Variants in TBC1D1 observed in about 807,000 individuals in gnomAD.
TBC1D1 encodes the protein TBC1 domain family member 1.
In TBC1D1, 89 loss-of-function variants were observed where a neutral mutation model predicts 125.6. The observed-to-expected ratio is 0.71, with a 90% CI of 0.60 to 0.85. The LOEUF is 0.85. Among genes scored for constraint, TBC1D1 ranks in the 40% least tolerant of loss-of-function variants. TBC1D1 has a pLI of 0.00. For missense variants in TBC1D1, 1,377 were observed against 1,469.2 expected (o/e 0.94, Z 1.03); for synonymous variants, 565 against 564.1 (o/e 1.00, Z -0.02).
chr4:38,128,793 C>T (rs1765085172), intron 18 of TBC1D1, among the ~76,000 whole-genome samples: 2 of 152,104 alleles, frequency 1.3e-5, no homozygotes, highest in South Asian at 4.2e-4. Context: ...AAGGACCTGT[C>T]CATTGAATAA....
chr4:38,012,415 C>T (rs1435514708), intron 2 of TBC1D1, among the ~76,000 whole-genome samples: 19 of 152,154 alleles, frequency 1.2e-4, no homozygotes, highest in Admixed American at 1.2e-3. Flanking sequence ...GTGGGGACTG[C>T]AGGCGCACAC....
intron 11 of TBC1D1, 75 bp from the exon 12 acceptor site, chr4:38,051,817 TCCTTCCA>T: frequency 7.3e-7 from 1 of 1,375,204 alleles, no homozygotes; most frequent in Non-Finnish European, 9.9e-7. Flanking sequence ...AGCGGTGTGC[TCCTTCCA>T]CCTGTTTGCT....
At chr4:38,072,001 G>A (rs146483061) in intron 12 of TBC1D1, among the ~76,000 whole-genome samples, 6 of 152,282 alleles carry the variant, frequency 3.9e-5, no homozygotes, top group African/African-American at 7.2e-5. Flanking sequence ...GGGGTTGGGC[G>A]GGTCTGGGCT....
At chr4:37,935,669 G>A (rs575372104) in intron 2 of TBC1D1, among the ~76,000 whole-genome samples, 21 of 152,218 alleles carry the variant, frequency 1.4e-4, no homozygotes, top group African/African-American at 4.6e-4. Flanking sequence ...CTAATTTGCA[G>A]ATCTGACAGT....
intron 7 of TBC1D1, among the ~76,000 whole-genome samples, chr4:38,031,302 G>A (rs1746082675): frequency 6.6e-6 from 1 of 152,178 alleles, no homozygotes; most frequent in African/African-American, 2.4e-5. Flanking sequence ...AGTAGACATT[G>A]ATAATTCATT....
At position 38,014,821 on chromosome 4, in the gene TBC1D1, C is replaced by T. The variant is rs769870040; in HGVS notation, c.730C>T (p.Leu244=). 1 of 1,611,548 alleles carries T rather than the reference C, an allele frequency of 6.2e-7. No individual in the cohort carries two copies. Among genetic ancestry groups the T allele is most frequent in the Admixed American group, 1.7e-5 (1 of 59,960 alleles). ...CTTCTCCCAGCCCGGCCTGCGCTCG[C>T]TGGCCTTTAGGAAGGAGCTGCAGGA... The change falls in exon 3 of 20, where the codon CTG becomes TTG. Residue 244 remains leucine, a synonymous_variant. Transcript: ENST00000261439. The surrounding 1 kb of genome is among the most constrained non-coding windows in gnomAD (Gnocchi z 5.1).
intron 8 of TBC1D1, among the ~76,000 whole-genome samples, chr4:38,044,048 T>G (rs111289044): frequency 0.025 from 3,751 of 152,358 alleles, 69 homozygotes; most frequent in South Asian, 0.074. Context: ...CTCAGAAAAG[T>G]AAGAAACTGG....
chr4:37,900,396 A>G (rs1412386183), intron 1 of TBC1D1, among the ~76,000 whole-genome samples: 1 of 113,276 alleles, frequency 8.8e-6, no homozygotes, highest in African/African-American at 3.4e-5. Context: ...GTTTGAAATC[A>G]AAGGAAATAT....
rs1282259663 is a variant in TBC1D1, at chr4:38,014,665, C to A, written c.574C>A (p.Leu192Met). Residue 192 changes from leucine to methionine, a missense_variant, in exon 3 of 20, where the codon CTG becomes ATG. Coordinates refer to ENST00000261439, the MANE Select transcript of TBC1D1 (RefSeq NM_015173.4). This position sits in a 1 kb window ranked among gnomAD's most constrained non-coding sequence, Gnocchi z 5.1. ...GGCGCACAAGAAGGCTCCGCCGGCC[C>A]TGATCGACGAGTGCATCGAGAAGTT... The A allele has an allele frequency of 6.2e-7, 1 of 1,613,254 alleles. No homozygotes were observed. Among genetic ancestry groups the A allele is most frequent in the South Asian group, 1.1e-5 (1 of 91,090 alleles).
At chr4:37,976,326 T>C (rs1262382233) in intron 2 of TBC1D1, among the ~76,000 whole-genome samples, 1 of 152,218 alleles carries the variant, frequency 6.6e-6, no homozygotes, top group African/African-American at 2.4e-5. Context: ...GCTGAAATTT[T>C]AGGGCGACTT....
chr4:38,041,565 TAAC>T (rs2152466469), intron 8 of TBC1D1, among the ~76,000 whole-genome samples: 1 of 152,280 alleles, frequency 6.6e-6, no homozygotes, highest in South Asian at 2.1e-4. Flanking sequence ...AATAAGTGTT[TAAC>T]AATAGGAACA....
At chr4:38,094,451 C>T (rs1017643661) in intron 13 of TBC1D1, among the ~76,000 whole-genome samples, 9 of 152,236 alleles carry the variant, frequency 5.9e-5, no homozygotes, top group South Asian at 2.1e-4. Flanking sequence ...TTTAATATTG[C>T]GAACAGCTGG....
At chr4:38,043,704 G>A (rs1295294378) in intron 8 of TBC1D1, among the ~76,000 whole-genome samples, 1 of 152,110 alleles carries the variant, frequency 6.6e-6, no homozygotes, top group Admixed American at 6.6e-5. Context: ...AGTAGTTAAG[G>A]GAGAGAAGCT....
chr4:38,136,556 C>T (rs909771783), intron 19 of TBC1D1, among the ~76,000 whole-genome samples: 1 of 152,128 alleles, frequency 6.6e-6, no homozygotes. Flanking sequence ...TTGTTGGTTT[C>T]TTTTTGAGTA....
chr4:38,002,658 A>G (rs1739302680), intron 2 of TBC1D1, among the ~76,000 whole-genome samples: 1 of 152,222 alleles, frequency 6.6e-6, no homozygotes, highest in Non-Finnish European at 1.5e-5. Flanking sequence ...AAGTAGCACA[A>G]TAGACAGTAA....
At position 38,099,576 on chromosome 4, in the gene TBC1D1, A is replaced by T. The variant is rs117559809; in HGVS notation, c.2399-3423A>T. On this transcript the variant is annotated intron_variant, in intron 14 of 19. Transcript: ENST00000261439. ...TGGGTGGTTTTTCACTTTCTTCTTT[A>T]TACCTCTTGCATTTCAGAGGTTTTT... Among the ~76,000 whole-genome samples, 70 of 152,258 alleles carry T rather than the reference A, an allele frequency of 4.6e-4. 1 individual carries two copies. In the East Asian group the frequency reaches 0.013, roughly 28 times the overall value.
Position 38,014,498 on chromosome 4 carries a change from TC to T in TBC1D1, c.418-10del, listed in dbSNP as rs756298662. ...GCATGTTCCAAATAACACGCCTCTC[TC>T]TCTCCTCAGGTGCCTGAGATCATCA... is the stretch of plus-strand genomic sequence containing the variant. On this transcript the variant is annotated splice_polypyrimidine_tract_variant and intron_variant, in intron 2 of 19. Coordinates refer to ENST00000261439, the MANE Select transcript of TBC1D1 (RefSeq NM_015173.4). This position sits in a 1 kb window ranked among gnomAD's most constrained non-coding sequence, Gnocchi z 5.1. The T allele has an allele frequency of 3.4e-5, 54 of 1,608,562 alleles. 1 individual carries two copies. In the South Asian group the frequency reaches 5.5e-4, roughly 16 times the overall value.
chr4:37,936,253 G>A (rs1341890566), intron 2 of TBC1D1, among the ~76,000 whole-genome samples: 1 of 152,104 alleles, frequency 6.6e-6, no homozygotes, highest in Admixed American at 6.5e-5. Context: ...AAGAGATTAA[G>A]AACAACAATA....
At chr4:37,970,941 G>GCC (rs71190935) in intron 2 of TBC1D1, among the ~76,000 whole-genome samples, 18 of 151,772 alleles carry the variant, frequency 1.2e-4, no homozygotes, top group South Asian at 4.2e-4. Flanking sequence ...TGCCTCACTG[G>GCC]CCCCCCCCAC....
Sources: gnomAD v4.1 joint callset for allele counts (sites outside exome capture counted in the v4.1 genomes callset) on GRCh38, gnomAD v4.1.1 for gene constraint, Gnocchi (gnomAD v3.1) non-coding constraint, MANE v1.5 for transcripts, NCBI Gene and HGNC (gene_info 2026-07-23, HGNC 2026-07-21) for gene names.